Variants in VAMP1 observed in about 807,000 individuals in gnomAD.
The protein encoded by VAMP1 is vesicle associated membrane protein 1.
In VAMP1, 16 loss-of-function variants were observed where a neutral mutation model predicts 19.1. The observed-to-expected ratio is 0.84, with a 90% CI of 0.57 to 1.27. VAMP1 has a LOEUF of 1.27. Ranked by LOEUF, VAMP1 falls within the 50% of genes most tolerant of loss-of-function variation. The probability of loss-of-function intolerance (pLI) is 0.00; values close to 1 mark genes in which losing one functional copy is unlikely to be tolerated. For missense variants in VAMP1, 109 were observed against 145.4 expected (o/e 0.75, Z 1.29); for synonymous variants, 37 against 50.2 (o/e 0.74, Z 1.11).
In VAMP1 at chr12:6,464,343, AT is replaced by A. The variant is rs1478707639; in HGVS notation, c.*126del. On this transcript the variant is annotated 3_prime_UTR_variant, in exon 5 of 5. Transcript: ENST00000396308. ...AAATGAACGCAACGAAAAAGGAGGA[AT>A]GGGTGATGGAGAAGCCTGGGCTGGA... The A allele has an allele frequency of 6.5e-7, 1 of 1,549,802 alleles. No individual in the cohort carries two copies. The highest frequency in any genetic ancestry group is 1.4e-5 in the African/African-American group (1 of 72,982).
chr12:6,463,480 C>T lies in VAMP1; in HGVS notation c.*990G>A. The T allele has an allele frequency of 9.6e-7, 1 of 1,044,842 alleles. No homozygotes were observed. The highest frequency in any genetic ancestry group is 9.2e-5 in the East Asian group (1 of 10,892). 64.7% of individuals were successfully genotyped at this position (1,044,842 alleles called of 1,614,324 possible). A position where few individuals can be genotyped will look rare whatever the true frequency, so the allele number is the denominator to read the frequency against. ...GTGTCCAAAGATCTCACACTGCTAA[C>T]ACCCTCACGCTCCTTCATCAACAGG... On this transcript the variant is annotated 3_prime_UTR_variant, in exon 5 of 5. Coordinates refer to ENST00000396308, the MANE Select transcript of VAMP1 (RefSeq NM_014231.5). The surrounding 1 kb of genome is among the most constrained non-coding windows in gnomAD (Gnocchi z 4.0).
At chr12:6,465,033 T>C (rs1949970317) in intron 3 of VAMP1, 92 bp from the exon 4 acceptor site, 3 of 1,574,918 alleles carry the variant, frequency 1.9e-6, no homozygotes, top group East Asian at 4.5e-5. Flanking sequence ...CCTTCCATCC[T>C]TGGGACAATG....
At position 6,465,971 on chromosome 12, in the gene VAMP1, G is replaced by C. The variant is rs1468326406; in HGVS notation, c.159C>G (p.Asp53Glu). Residue 53 changes from aspartate to glutamate, a missense_variant, in exon 3 of 5, where the codon GAC becomes GAG. Coordinates refer to ENST00000396308, the MANE Select transcript of VAMP1 (RefSeq NM_014231.5). Reference protein sequence around the residue: ...EVVDIIRVNVDKVLERDQKLS... With the variant: ...EVVDIIRVNVEKVLERDQKLS... ...GCTTCTGGTCCCTCTCCAGGACCTT[G>C]TCCACGTTCACACGTATGATGTCCA... The C allele has an allele frequency of 9.3e-6, 15 of 1,614,250 alleles. No homozygotes were observed. Among genetic ancestry groups the C allele is most frequent in the Non-Finnish European group, 1.3e-5 (15 of 1,180,046 alleles).
rs1431222822 is a variant in VAMP1 at position 6,462,791 on chromosome 12, G to A, written c.*1679C>T. 1.3e-6 allele frequency: 2 copies of A among 1,581,430 alleles called. No individual in the cohort carries two copies. Among genetic ancestry groups the A allele is most frequent in the African/African-American group, 2.7e-5 (2 of 74,388 alleles). On this transcript the variant is annotated 3_prime_UTR_variant, in exon 5 of 5. Coordinates refer to ENST00000396308, the MANE Select transcript of VAMP1 (RefSeq NM_014231.5). ...CCAGAGGAGAGTGGAGACCTTCGAGGGGGGCCGTTGGGAGGGTACTGACTG... is the reference window on the plus strand; with the variant it reads ...CCAGAGGAGAGTGGAGACCTTCGAGAGGGGCCGTTGGGAGGGTACTGACTG...
chr12:6,468,415 T>G (rs532394627), intron 1 of VAMP1, among the ~76,000 whole-genome samples: 21 of 152,352 alleles, frequency 1.4e-4, no homozygotes, highest in African/African-American at 5.1e-4. Context: ...GAGTCAGGAC[T>G]GTTTGTTTGC....
Position 6,463,879 on chromosome 12 carries a change from G to A in VAMP1, c.*591C>T. The A allele has an allele frequency of 7.8e-7, 1 of 1,278,330 alleles. No individual in the cohort carries two copies. The highest frequency in any genetic ancestry group is 1.0e-6 in the Non-Finnish European group (1 of 983,524). 79.2% of individuals were successfully genotyped at this position (1,278,330 alleles called of 1,614,324 possible). On this transcript the variant is annotated 3_prime_UTR_variant, in exon 5 of 5. Transcript: ENST00000396308. This position sits in a 1 kb window ranked among gnomAD's most constrained non-coding sequence, Gnocchi z 4.0. ...ATCCCCAAAGACACGGAAAATCCTG[G>A]ACGAACAGATTAGAAATAACTACAA...
chr12:6,463,678 C>A lies in VAMP1; in HGVS notation c.*792G>T. On this transcript the variant is annotated 3_prime_UTR_variant, in exon 5 of 5. Coordinates refer to ENST00000396308, the MANE Select transcript of VAMP1 (RefSeq NM_014231.5). This position sits in a 1 kb window ranked among gnomAD's most constrained non-coding sequence, Gnocchi z 4.0. Reference sequence around the variant, plus strand: ...AAATTATTTGGCTAGATAAAACTACCAGCTAGATGGATTTATTTGGTGCCC... The same window carrying A: ...AAATTATTTGGCTAGATAAAACTACAAGCTAGATGGATTTATTTGGTGCCC... 1 of 1,089,438 alleles carries A rather than the reference C, an allele frequency of 9.2e-7. No individual in the cohort carries two copies. The highest frequency in any genetic ancestry group is 1.7e-5 in the African/African-American group (1 of 59,162). The allele number at this position is 1,089,438 out of a possible 1,614,324, so 67.5% of individuals were successfully genotyped here. A position where few individuals can be genotyped will look rare whatever the true frequency, so the allele number is the denominator to read the frequency against.
At chr12:6,467,213 GA>G in intron 1 of VAMP1, 1 of 161,254 alleles carries the variant, frequency 6.2e-6, no homozygotes, top group African/African-American at 2.4e-5. Flanking sequence ...GGGTGTTGCT[GA>G]AAAGATACCC....
chr12:6,470,405 G>A (rs1468763507), intron 1 of VAMP1, 125 bp downstream of exon 1: 5 of 1,433,162 alleles, frequency 3.5e-6, no homozygotes, highest in Non-Finnish European at 4.8e-6. Context: ...CGGAAGCGGC[G>A]CGCGGTGGTA....
Position 6,463,769 on chromosome 12 carries a change from T to C in VAMP1, c.*701A>G, listed in dbSNP as rs941852462. On this transcript the variant is annotated 3_prime_UTR_variant, in exon 5 of 5. Transcript: ENST00000396308. This position sits in a 1 kb window ranked among gnomAD's most constrained non-coding sequence, Gnocchi z 4.0. ...CCTTCCAGCTAGAAGCACATGGGAC[T>C]GCTTCTAGGATGGAAACAAGTCCTG... is the stretch of plus-strand genomic sequence containing the variant. 1 of 1,177,876 alleles carries C rather than the reference T, an allele frequency of 8.5e-7. No homozygotes were observed. The highest frequency in any genetic ancestry group is 1.1e-6 in the Non-Finnish European group (1 of 937,852). The allele number at this position is 1,177,876 out of a possible 1,614,324, so 73.0% of individuals were successfully genotyped here.
At chr12:6,469,684 A>C (rs1945719739) in intron 1 of VAMP1, among the ~76,000 whole-genome samples, 1 of 152,234 alleles carries the variant, frequency 6.6e-6, no homozygotes, top group Non-Finnish European at 1.5e-5. Flanking sequence ...CCAGGGTAGT[A>C]ATCAGAAAGA....
Position 6,463,655 on chromosome 12 carries a change from A to T in VAMP1, c.*815T>A. On this transcript the variant is annotated 3_prime_UTR_variant, in exon 5 of 5. Transcript: ENST00000396308. This position sits in a 1 kb window ranked among gnomAD's most constrained non-coding sequence, Gnocchi z 4.0. ...AACAATTAACTGGGAGCTAGGTTAAATTATTTGGCTAGATAAAACTACCAG... is the reference window on the plus strand; with the variant it reads ...AACAATTAACTGGGAGCTAGGTTAATTTATTTGGCTAGATAAAACTACCAG... 9.2e-7 allele frequency: 1 copy of T among 1,086,044 alleles called. No homozygotes were observed. The highest frequency in any genetic ancestry group is 1.1e-6 in the Non-Finnish European group (1 of 888,424). The allele number at this position is 1,086,044 out of a possible 1,614,324, so 67.3% of individuals were successfully genotyped here.
At chr12:6,469,704 A>T (rs2137015323) in intron 1 of VAMP1, among the ~76,000 whole-genome samples, 1 of 152,340 alleles carries the variant, frequency 6.6e-6, no homozygotes, top group Non-Finnish European at 1.5e-5. Flanking sequence ...AAAAATCTGT[A>T]TTAGACATAT....
In VAMP1 at chr12:6,463,060, T is replaced by C. The variant is rs1449654992; in HGVS notation, c.*1410A>G. On this transcript the variant is annotated 3_prime_UTR_variant, in exon 5 of 5. Coordinates refer to ENST00000396308, the MANE Select transcript of VAMP1 (RefSeq NM_014231.5). The surrounding 1 kb of genome is among the most constrained non-coding windows in gnomAD (Gnocchi z 4.0). The stretch of plus-strand genomic sequence containing the variant: ...GCCCTCCTCCCCTTGCACCTGGGCT[T>C]ATCCCACATTAATAGCCCATCCTGA... 1.3e-6 allele frequency: 2 copies of C among 1,539,444 alleles called. No homozygotes were observed. The highest frequency in any genetic ancestry group is 1.2e-5 in the South Asian group (1 of 83,884).
rs536497006 is a variant in VAMP1 at position 6,462,709 on chromosome 12, C to A, written c.*1761G>T. ...GATTCGCTCCAGGCTTGGGACACATCGAGGACAGTGGTGGTTCTTCTCCAG... is the reference window on the plus strand; with the variant it reads ...GATTCGCTCCAGGCTTGGGACACATAGAGGACAGTGGTGGTTCTTCTCCAG... On this transcript the variant is annotated 3_prime_UTR_variant, in exon 5 of 5. Transcript: ENST00000396308. 1 of 1,055,270 alleles carries A rather than the reference C, an allele frequency of 9.5e-7. No individual in the cohort carries two copies. Among genetic ancestry groups the A allele is most frequent in the South Asian group, 1.6e-5 (1 of 61,544 alleles). The allele number at this position is 1,055,270 out of a possible 1,614,324, so 65.4% of individuals were successfully genotyped here. A position where few individuals can be genotyped will look rare whatever the true frequency, so the allele number is the denominator to read the frequency against.
Position 6,464,153 on chromosome 12 carries a change from C to A in VAMP1, c.*317G>T, listed in dbSNP as rs1949945884. ...CAGCTTCATGGGTACTTCGCCTCAGCCACTCCCCTCCCTGCCCCTTCCCTT... is the reference window on the plus strand; with the variant it reads ...CAGCTTCATGGGTACTTCGCCTCAGACACTCCCCTCCCTGCCCCTTCCCTT... On this transcript the variant is annotated 3_prime_UTR_variant, in exon 5 of 5. Transcript: ENST00000396308. 10 of 1,408,838 alleles carry A rather than the reference C, an allele frequency of 7.1e-6. No individual in the cohort carries two copies. The highest frequency in any genetic ancestry group is 9.4e-6 in the Non-Finnish European group (10 of 1,065,490). 87.3% of individuals were successfully genotyped at this position (1,408,838 alleles called of 1,614,324 possible).
chr12:6,466,484 G>T, intron 1 of VAMP1, 133 bp from the exon 2 acceptor site: 1 of 918,098 alleles, frequency 1.1e-6, no homozygotes, highest in Non-Finnish European at 1.6e-6. Flanking sequence ...GGAGTTCGAG[G>T]CCAGCCTGGG....
At chr12:6,470,092 G>A (rs528821494) in intron 1 of VAMP1, among the ~76,000 whole-genome samples, 3 of 152,262 alleles carry the variant, frequency 2.0e-5, no homozygotes, top group Admixed American at 2.0e-4. Context: ...AGATTGTAGG[G>A]CAACATAAGT....
At position 6,464,243 on chromosome 12, in the gene VAMP1, C is replaced by T. The variant is rs546342393; in HGVS notation, c.*227G>A. 1.1e-3 allele frequency: 1,690 copies of T among 1,522,538 alleles called. 4 individuals are homozygous for T. Among genetic ancestry groups the T allele is most frequent in the Middle Eastern group, 7.1e-3 (42 of 5,908 alleles). 94.3% of individuals were successfully genotyped at this position (1,522,538 alleles called of 1,614,324 possible). A position where few individuals can be genotyped will look rare whatever the true frequency, so the allele number is the denominator to read the frequency against. ...ACAGAAAAAGCAGGCAGGGAGGAGG[C>T]GCCAGCTGTTGCTCTTCGGGTAATG... On this transcript the variant is annotated 3_prime_UTR_variant, in exon 5 of 5. Coordinates refer to ENST00000396308, the MANE Select transcript of VAMP1 (RefSeq NM_014231.5).
Sources: gnomAD v4.1 joint callset for allele counts (sites outside exome capture counted in the v4.1 genomes callset) on GRCh38, gnomAD v4.1.1 for gene constraint, Gnocchi (gnomAD v3.1) non-coding constraint, MANE v1.5 for transcripts, NCBI Gene and HGNC (gene_info 2026-07-23, HGNC 2026-07-21) for gene names.